Variants in FGF12 observed in about 807,000 individuals in gnomAD.
FGF12 encodes the protein fibroblast growth factor 12B.
In FGF12, 14 loss-of-function variants were observed where a neutral mutation model predicts 23.6. The observed-to-expected ratio is 0.59, with a 90% CI of 0.39 to 0.93. FGF12 has a LOEUF of 0.93. Among genes scored for constraint, FGF12 ranks in the 40% least tolerant of loss-of-function variants. FGF12 has a pLI of 0.00. For synonymous variants in FGF12, 62 were observed against 77.3 expected, an observed-to-expected ratio of 0.80 and a Z score of 1.04; for missense variants, 175 against 217.8, an observed-to-expected ratio of 0.80 and a Z score of 1.24.
intron 2 of FGF12, among the ~76,000 whole-genome samples, chr3:192,371,277 A>T (rs1450400336): frequency 6.6e-6 from 1 of 152,246 alleles, no homozygotes; most frequent in Non-Finnish European, 1.5e-5. Context: ...GAGAGGGGAA[A>T]GTCGCGTGGC....
chr3:192,467,235 T>C (rs950933248), intron 2 of FGF12, among the ~76,000 whole-genome samples: 2 of 152,196 alleles, frequency 1.3e-5, no homozygotes, highest in African/African-American at 2.4e-5. Context: ...GCCTGGGTTC[T>C]GCTCCTAATT....
At chr3:192,496,470 C>T (rs1177604881) in intron 2 of FGF12, among the ~76,000 whole-genome samples, 1 of 152,056 alleles carries the variant, frequency 6.6e-6, no homozygotes, top group Non-Finnish European at 1.5e-5. Context: ...GCAACATCAG[C>T]TTTCCTTCTT....
In FGF12 at chr3:192,649,546, CTATT is replaced by C. The variant is rs150823619; in HGVS notation, c.13+77631_13+77634del. On this transcript the variant is annotated intron_variant, in intron 2 of 5. Transcript: ENST00000445105. ...AAATTACACTGAAATATCATTTTAA[CTATT>C]TATTTTTATTTATTTATTATTTTTT... Among the ~76,000 whole-genome samples the C allele has an allele frequency of 8.5e-3, 1,286 of 151,966 alleles. 15 individuals are homozygous for C. Among genetic ancestry groups the C allele is most frequent in the African/African-American group, 0.029 (1,213 of 41,476 alleles).
At chr3:192,359,993 C>T (rs754196011) in intron 3 of FGF12, among the ~76,000 whole-genome samples, 1 of 151,410 alleles carries the variant, frequency 6.6e-6, no homozygotes. Context: ...TCAGTGTTTA[C>T]CTTAAGAGGT....
intron 4 of FGF12, among the ~76,000 whole-genome samples, chr3:192,305,679 A>AAATATAT (rs1423738741): frequency 2.1e-4 from 28 of 131,930 alleles, no homozygotes; most frequent in African/African-American, 7.1e-4. Context: ...AAAAAAAAAA[A>AAATATAT]ATATATATAT....
intron 2 of FGF12, among the ~76,000 whole-genome samples, chr3:192,519,988 T>C (rs373973721): frequency 7.2e-5 from 11 of 152,190 alleles, no homozygotes; most frequent in African/African-American, 2.7e-4. Context: ...GTTTATTTTG[T>C]CCCCTCTACC....
intron 2 of FGF12, among the ~76,000 whole-genome samples, chr3:192,644,929 T>C (rs957182374): frequency 1.3e-5 from 2 of 152,174 alleles, no homozygotes; most frequent in African/African-American, 4.8e-5. Flanking sequence ...TTGAGAAATA[T>C]ATGACATTTG....
chr3:192,179,230 ACT>A (rs1716030332), intron 4 of FGF12, among the ~76,000 whole-genome samples: 1 of 151,994 alleles, frequency 6.6e-6, no homozygotes, highest in Admixed American at 6.6e-5. Context: ...AAAAAAAACA[ACT>A]CTGCAGATAC....
chr3:192,456,648 G>T (rs1019970034), intron 2 of FGF12, among the ~76,000 whole-genome samples: 1 of 151,962 alleles, frequency 6.6e-6, no homozygotes, highest in African/African-American at 2.4e-5. Flanking sequence ...AAAATGAAAT[G>T]ACTTAAATAC....
chr3:192,408,929 C>A lies in FGF12; in HGVS notation c.14-48391G>T. The A allele has an allele frequency of 1.0e-6, 1 of 985,190 alleles. No individual in the cohort carries two copies. The highest frequency in any genetic ancestry group is 4.7e-5 in the South Asian group (1 of 21,262). The allele number at this position is 985,190 out of a possible 1,614,324, so 61.0% of individuals were successfully genotyped here. ...GCTGCGGCTTTCCAGGGGCCGGCCA[C>A]CCGAGTTCTGGAATTCCGAGAGGCG... On this transcript the variant is annotated intron_variant, in intron 2 of 5. Transcript: ENST00000445105. The surrounding 1 kb of genome is among the most constrained non-coding windows in gnomAD (Gnocchi z 7.3).
chr3:192,535,323 C>T (rs949622883), intron 2 of FGF12, among the ~76,000 whole-genome samples: 1 of 152,152 alleles, frequency 6.6e-6, no homozygotes. Flanking sequence ...GGAAAAAATT[C>T]TACTTAAAAT....
intron 4 of FGF12, among the ~76,000 whole-genome samples, chr3:192,250,883 A>G (rs1359939677): frequency 6.6e-6 from 1 of 152,192 alleles, no homozygotes; most frequent in Non-Finnish European, 1.5e-5. Context: ...CATACAAGCC[A>G]AAGAACATCT....
At chr3:192,584,706 G>C (rs1345129066) in intron 2 of FGF12, among the ~76,000 whole-genome samples, 1 of 152,108 alleles carries the variant, frequency 6.6e-6, no homozygotes, top group Non-Finnish European at 1.5e-5. Flanking sequence ...AGGCTGCCCT[G>C]TATTGTCTGA....
At chr3:192,161,371 C>T (rs903094474) in intron 5 of FGF12, among the ~76,000 whole-genome samples, 9 of 152,062 alleles carry the variant, frequency 5.9e-5, no homozygotes, top group Non-Finnish European at 1.0e-4. Flanking sequence ...CCCGGATGTT[C>T]TAAGAATACA....
Position 192,360,582 on chromosome 3 carries a change from A to C in FGF12, c.14-44T>G. 7.7e-7 allele frequency: 1 copy of C among 1,290,714 alleles called. No homozygotes were observed. The highest frequency in any genetic ancestry group is 1.1e-6 in the Non-Finnish European group (1 of 885,346). The allele number at this position is 1,290,714 out of a possible 1,614,324, so 80.0% of individuals were successfully genotyped here. A position where few individuals can be genotyped will look rare whatever the true frequency, so the allele number is the denominator to read the frequency against. ...ATTCAAATTTTTATTTGGCTTACAC[A>C]AATGCACACTTACAGATTGTTAAAA... On this transcript the variant is annotated intron_variant, in intron 2 of 5. Coordinates refer to ENST00000445105, the MANE Select transcript of FGF12 (RefSeq NM_004113.6). This position sits in a 1 kb window ranked among gnomAD's most constrained non-coding sequence, Gnocchi z 4.3.
At chr3:192,329,318 C>T (rs1307635015) in intron 4 of FGF12, among the ~76,000 whole-genome samples, 1 of 152,098 alleles carries the variant, frequency 6.6e-6, no homozygotes, top group Non-Finnish European at 1.5e-5. Context: ...TACATAGGTA[C>T]AGAAGAGAAA....
intron 3 of FGF12, among the ~76,000 whole-genome samples, chr3:192,339,019 A>G (rs947360846): frequency 6.6e-5 from 10 of 152,204 alleles, no homozygotes; most frequent in African/African-American, 1.9e-4. Flanking sequence ...GAGAAAACTG[A>G]TAATGCTAGG....
intron 4 of FGF12, among the ~76,000 whole-genome samples, chr3:192,316,364 G>T (rs1716228822): frequency 6.6e-6 from 1 of 152,190 alleles, no homozygotes; most frequent in Non-Finnish European, 1.5e-5. Context: ...ACTGAAGAGG[G>T]TAGGAAAGAC....
intron 2 of FGF12, among the ~76,000 whole-genome samples, chr3:192,666,398 C>T (rs1013245054): frequency 1.3e-5 from 2 of 152,182 alleles, no homozygotes; most frequent in African/African-American, 4.8e-5. Flanking sequence ...GAAGGATTTA[C>T]AAGCTTTCTT....
Sources: allele counts gnomAD v4.1 joint callset (sites outside exome capture counted in the v4.1 genomes callset), GRCh38; gene constraint gnomAD v4.1.1; non-coding constraint Gnocchi (gnomAD v3.1); transcripts MANE v1.5; gene names NCBI Gene and HGNC (gene_info 2026-07-23, HGNC 2026-07-21).